Variants in KDM4B observed in about 807,000 individuals in gnomAD.
KDM4B encodes lysine-specific demethylase 4B.
A neutral mutation model predicts 125.2 loss-of-function variants in KDM4B; 32 were observed. The observed-to-expected ratio is 0.26, with a 90% CI of 0.19 to 0.34. The LOEUF (loss-of-function observed/expected upper bound fraction) is 0.34, where lower values mean the gene tolerates loss of function less well. KDM4B is among the 10% of genes least tolerant of loss of function. KDM4B has a pLI of 1.00. For synonymous variants in KDM4B, 721 were observed against 677.9 expected, an observed-to-expected ratio of 1.06 and a Z score of -0.99; for missense variants, 1,190 against 1,577.7, an observed-to-expected ratio of 0.75 and a Z score of 4.16.
In KDM4B at chr19:5,082,513, T is replaced by C. The variant is rs1457139008; in HGVS notation, c.918+9T>C. Reference sequence around the variant, plus strand: ...GCAAAGTGGCCACTCAGGTAAAAGCTTGCCTGCTGGGAACGGGTCCCAGCA... The same window carrying C: ...GCAAAGTGGCCACTCAGGTAAAAGCCTGCCTGCTGGGAACGGGTCCCAGCA... On this transcript the variant is annotated intron_variant, in intron 9 of 22. Coordinates refer to ENST00000159111, the MANE Select transcript of KDM4B (RefSeq NM_015015.3). This position sits in a 1 kb window ranked among gnomAD's most constrained non-coding sequence, Gnocchi z 5.4. The C allele has an allele frequency of 6.3e-7, 1 of 1,586,838 alleles. No homozygotes were observed. The highest frequency in any genetic ancestry group is 8.6e-7 in the Non-Finnish European group (1 of 1,166,162).
At chr19:4,980,059 C>T (rs1277766922) in intron 1 of KDM4B, among the ~76,000 whole-genome samples, 1 of 151,932 alleles carries the variant, frequency 6.6e-6, no homozygotes, top group Non-Finnish European at 1.5e-5. Context: ...GAGCTGAGAT[C>T]ATGCCACTGC....
intron 2 of KDM4B, among the ~76,000 whole-genome samples, chr19:5,027,829 C>T (rs1172164988): frequency 6.6e-6 from 1 of 152,214 alleles, no homozygotes; most frequent in Non-Finnish European, 1.5e-5. Flanking sequence ...GCGTGAGCCA[C>T]CGCACCCAGC....
At chr19:5,002,161 C>A (rs1290958223) in intron 1 of KDM4B, among the ~76,000 whole-genome samples, 1 of 152,096 alleles carries the variant, frequency 6.6e-6, no homozygotes, top group Non-Finnish European at 1.5e-5. Flanking sequence ...CCATGTCCAG[C>A]TAATTTTTAT....
chr19:5,131,211 C>T lies in KDM4B; in HGVS notation c.1451C>T (p.Pro484Leu). ...GAGGAGGCGCTGTGGCTGCCATCCC[C>T]ACTGGAGCCCCCGGTGCTGGGCCCA... is the stretch of plus-strand genomic sequence containing the variant. ...PSEEALWLPS[P>L]LEPPVLGPGP... is the part of the protein sequence containing the mutation. The change falls in exon 12 of 23, where the codon CCA becomes CTA. Residue 484 changes from proline to leucine, a missense_variant. Pro to Leu is a moderately conservative substitution (Grantham distance 98). Transcript: ENST00000159111. The T allele has an allele frequency of 6.2e-7, 1 of 1,605,576 alleles. No individual in the cohort carries two copies. Among genetic ancestry groups the T allele is most frequent in the Non-Finnish European group, 8.5e-7 (1 of 1,176,648 alleles).
At chr19:5,037,790 A>T (rs73919703) in intron 3 of KDM4B, among the ~76,000 whole-genome samples, 1 of 152,316 alleles carries the variant, frequency 6.6e-6, no homozygotes, top group African/African-American at 2.4e-5. Context: ...AGACATGGCC[A>T]GGTGTCCCCT....
In KDM4B at chr19:5,151,702, A is replaced by C. The variant is rs2039952026; in HGVS notation, c.*191A>C. The stretch of plus-strand genomic sequence containing the variant: ...GGCCCCAGACTCAGGGAGCAGGGCC[A>C]GGCGGGCTCGGGGGCCGGCCAGGGG... On this transcript the variant is annotated 3_prime_UTR_variant, in exon 23 of 23. Coordinates refer to ENST00000159111, the MANE Select transcript of KDM4B (RefSeq NM_015015.3). 2.3e-6 allele frequency: 1 copy of C among 436,992 alleles called. No individual in the cohort carries two copies. Among genetic ancestry groups the C allele is most frequent in the Non-Finnish European group, 3.8e-6 (1 of 261,732 alleles). The allele number at this position is 436,992 out of a possible 1,614,324, so 27.1% of individuals were successfully genotyped here.
At chr19:5,010,617 G>T (rs2035698436) in intron 1 of KDM4B, among the ~76,000 whole-genome samples, 7 of 152,096 alleles carry the variant, frequency 4.6e-5, no homozygotes, top group Admixed American at 4.6e-4. Flanking sequence ...GAGGAAAGCT[G>T]TCCCTCTTCC....
chr19:5,059,349 T>A (rs2054519), intron 6 of KDM4B, among the ~76,000 whole-genome samples: 1 of 152,150 alleles, frequency 6.6e-6, no homozygotes, highest in Non-Finnish European at 1.5e-5. Flanking sequence ...GGGCGCAGGA[T>A]GGGGCCGATG....
In KDM4B at chr19:5,054,143, C is replaced by T. The variant is rs192294184; in HGVS notation, c.626+6474C>T. On this transcript the variant is annotated intron_variant, in intron 6 of 22. Coordinates refer to ENST00000159111, the MANE Select transcript of KDM4B (RefSeq NM_015015.3). ...TCTGTCATCCAGGCTGGAGTGCAGT[C>T]GTATGATCACACCTCACTGCAACCT... 1.6e-4 allele frequency among the ~76,000 whole-genome samples: 25 copies of T among 152,252 alleles called. No homozygotes were observed. The East Asian group carries it at 3.3e-3, about 20-fold the overall frequency.
intron 6 of KDM4B, among the ~76,000 whole-genome samples, chr19:5,063,203 T>C (rs887198430): frequency 2.0e-5 from 3 of 152,100 alleles, no homozygotes; most frequent in Admixed American, 6.5e-5. Flanking sequence ...TGGAATGTCT[T>C]TGCAACCTTG....
chr19:5,144,210 C>T (rs754143475), intron 19 of KDM4B, 38 bp from the exon 20 acceptor site: 35 of 1,585,390 alleles, frequency 2.2e-5, no homozygotes, highest in African/African-American at 1.3e-4. Context: ...CACCGACACC[C>T]GCGCTGACCG....
chr19:5,015,230 G>T (rs2035855944), intron 1 of KDM4B, among the ~76,000 whole-genome samples: 1 of 151,948 alleles, frequency 6.6e-6, no homozygotes, highest in African/African-American at 2.4e-5. Flanking sequence ...TCCAGTGGGA[G>T]CTGCAGGTCA....
chr19:5,095,218 G>A (rs906012654), intron 9 of KDM4B, among the ~76,000 whole-genome samples: 1 of 152,206 alleles, frequency 6.6e-6, no homozygotes, highest in African/African-American at 2.4e-5. Flanking sequence ...TTCCGCCCTG[G>A]TTCCTGGATC....
intron 14 of KDM4B, among the ~76,000 whole-genome samples, chr19:5,134,470 A>T (rs1167491151): frequency 6.6e-6 from 1 of 152,106 alleles, no homozygotes; most frequent in Non-Finnish European, 1.5e-5. Flanking sequence ...GCACCTGGCT[A>T]AGGTCCTGTT....
chr19:4,969,188 A>G lies in KDM4B; in HGVS notation c.-151A>G, dbSNP rs58324296. On this transcript the variant is annotated 5_prime_UTR_variant, in exon 1 of 23. Transcript: ENST00000159111. Reference sequence around the variant, plus strand: ...GGGTGCGACGCCGAGGGCGGGGGAGAGCGCGCCGCTGCTCCCGGACCGGGC... The same window carrying G: ...GGGTGCGACGCCGAGGGCGGGGGAGGGCGCGCCGCTGCTCCCGGACCGGGC... 6.7e-6 allele frequency: 1 copy of G among 148,726 alleles called. No homozygotes were observed. The highest frequency in any genetic ancestry group is 6.7e-5 in the Admixed American group (1 of 15,008). The allele number at this position is 148,726 out of a possible 1,614,324, so 9.2% of individuals were successfully genotyped here.
intron 3 of KDM4B, among the ~76,000 whole-genome samples, chr19:5,039,149 T>G (rs2036723754): frequency 6.6e-6 from 1 of 152,214 alleles, no homozygotes; most frequent in Admixed American, 6.5e-5. Flanking sequence ...ATTCCCGTTT[T>G]GAAAAATGCC....
In KDM4B at chr19:5,078,211, A is replaced by G. The variant is rs1385187240; in HGVS notation, c.780+741A>G. 4 of 152,362 alleles carry G rather than the reference A, an allele frequency of 2.6e-5. No homozygotes were observed. The highest frequency in any genetic ancestry group is 4.4e-5 in the Non-Finnish European group (3 of 68,144). 9.4% of individuals were successfully genotyped at this position (152,362 alleles called of 1,614,324 possible). A position where few individuals can be genotyped will look rare whatever the true frequency, so the allele number is the denominator to read the frequency against. ...TGGGAGAGTCTAGGCCTGTGTCCCCAGCTCTGTCCAGGTGAGAGGCACGTG... is the reference window on the plus strand; with the variant it reads ...TGGGAGAGTCTAGGCCTGTGTCCCCGGCTCTGTCCAGGTGAGAGGCACGTG... On this transcript the variant is annotated intron_variant, in intron 8 of 22. Coordinates refer to ENST00000159111, the MANE Select transcript of KDM4B (RefSeq NM_015015.3). The surrounding 1 kb of genome is among the most constrained non-coding windows in gnomAD (Gnocchi z 4.5).
chr19:5,131,655 G>GGGGGGGGCAGGTGGGGTGGGGC (rs2039557658), intron 12 of KDM4B, 110 bp downstream of exon 12: 2 of 590,622 alleles, frequency 3.4e-6, no homozygotes, highest in African/African-American at 1.9e-5. Context: ...GGGCAGGGAG[G>GGGGGGGGCAGGTGGGGTGGGGC]AGGGGACAGG....
rs746876914 is a variant in KDM4B at position 5,131,181 on chromosome 19, C to T, written c.1421C>T (p.Pro474Leu). ...CTGCCGCCCCCGCCTGCTCACTTCC[C>T]CTCAGAGGAGGCGCTGTGGCTGCCA... Reference protein sequence around the residue: ...PQLPPPPAHFPSEEALWLPSP... With the variant: ...PQLPPPPAHFLSEEALWLPSP... Residue 474 changes from proline (P) to leucine (L), a missense_variant, in exon 12 of 23, where the codon CCC (proline) becomes CTC (leucine). Transcript: ENST00000159111. The T allele has an allele frequency of 3.7e-6, 6 of 1,602,970 alleles. No homozygotes were observed. Among genetic ancestry groups the T allele is most frequent in the Non-Finnish European group, 5.1e-6 (6 of 1,175,052 alleles).
Sources: allele counts gnomAD v4.1 joint callset (sites outside exome capture counted in the v4.1 genomes callset), GRCh38; gene constraint gnomAD v4.1.1; non-coding constraint Gnocchi (gnomAD v3.1); transcripts MANE v1.5; gene names NCBI Gene and HGNC (gene_info 2026-07-23, HGNC 2026-07-21).